TXNL1: variants seen among roughly 807,000 people sequenced by gnomAD.
TXNL1 encodes thioredoxin-like protein 1.
TXNL1 carries 14 observed loss-of-function variants against 35.5 expected under a neutral mutation model. The ratio of observed to expected loss-of-function variants is 0.39; its 90% CI spans 0.26 to 0.62. The LOEUF (loss-of-function observed/expected upper bound fraction) is 0.62. TXNL1 is among the 20% of genes least tolerant of loss of function. TXNL1 has a pLI of 0.47. For missense variants in TXNL1, 263 were observed against 349.7 expected (o/e 0.75, Z 1.98); for synonymous variants, 110 against 115.5 (o/e 0.95, Z 0.31).
chr18:56,617,488 A>G (rs2024108777), intron 4 of TXNL1, among the ~76,000 whole-genome samples: 1 of 152,260 alleles, frequency 6.6e-6, no homozygotes, highest in South Asian at 2.1e-4. Context: ...AATGGAAGAG[A>G]AAGTAAACTG....
intron 3 of TXNL1, among the ~76,000 whole-genome samples, chr18:56,622,860 T>C (rs924003504): frequency 1.3e-5 from 2 of 152,226 alleles, no homozygotes; most frequent in Admixed American, 6.5e-5. Context: ...AAACGATATG[T>C]TGATACTTCC....
chr18:56,631,374 T>C (rs2024367776), intron 1 of TXNL1, among the ~76,000 whole-genome samples: 1 of 152,194 alleles, frequency 6.6e-6, no homozygotes. Context: ...CCTTTTTCTC[T>C]TGCACACACC....
Position 56,626,515 on chromosome 18 carries a change from C to T in TXNL1, c.99-58G>A, listed in dbSNP as rs556410447. 1.5e-5 allele frequency: 21 copies of T among 1,399,402 alleles called. 1 individual carries two copies. The South Asian group carries it at 2.2e-4, about 15-fold the overall frequency. The allele number at this position is 1,399,402 out of a possible 1,614,324, so 86.7% of individuals were successfully genotyped here. A position where few individuals can be genotyped will look rare whatever the true frequency, so the allele number is the denominator to read the frequency against. ...CTAAAGATTGTAATTCTAAAGCACT[C>T]GTCAATTAAACATAAAATAGAACAA... On this transcript the variant is annotated intron_variant, in intron 1 of 7. Coordinates refer to ENST00000217515, the MANE Select transcript of TXNL1 (RefSeq NM_004786.3).
intron 7 of TXNL1, among the ~76,000 whole-genome samples, chr18:56,605,753 GTATTC>G (rs2023882419): frequency 6.6e-6 from 1 of 152,150 alleles, no homozygotes; most frequent in Non-Finnish European, 1.5e-5. Context: ...AGTGGAAGGG[GTATTC>G]TAGTCTGTCA....
Position 56,638,279 on chromosome 18 carries a change from C to T in TXNL1, c.98+64G>A, listed in dbSNP as rs1364504878. 2.0e-6 allele frequency: 3 copies of T among 1,498,838 alleles called. No homozygotes were observed. In the African/African-American group the frequency reaches 4.2e-5, roughly 21 times the overall value. The allele number at this position is 1,498,838 out of a possible 1,614,324, so 92.8% of individuals were successfully genotyped here. A position where few individuals can be genotyped will look rare whatever the true frequency, so the allele number is the denominator to read the frequency against. On this transcript the variant is annotated intron_variant, in intron 1 of 7. Transcript: ENST00000217515. ...CAGACGGCTAGGAAACCAGGGCCAA[C>T]AAAGAGTGAAAGGAAAGCAAGGAAG...
At chr18:56,616,162 T>C in intron 5 of TXNL1, 83 bp downstream of exon 5, 1 of 1,169,540 alleles carries the variant, frequency 8.6e-7, no homozygotes, top group African/African-American at 1.6e-5. Context: ...AACAAGTACC[T>C]CTATTTAATA....
chr18:56,610,236 A>G (rs968413955), intron 7 of TXNL1: 2 of 152,222 alleles, frequency 1.3e-5, no homozygotes, highest in Non-Finnish European at 2.9e-5. Context: ...AGTATATAGC[A>G]ACTAACGCTC....
chr18:56,637,132 C>A (rs1192462995), intron 1 of TXNL1, among the ~76,000 whole-genome samples: 1 of 152,160 alleles, frequency 6.6e-6, no homozygotes, highest in African/African-American at 2.4e-5. Flanking sequence ...GTAAGAGAGA[C>A]TGGTCCAAAA....
At chr18:56,631,916 G>A (rs113233801) in intron 1 of TXNL1, among the ~76,000 whole-genome samples, 3,342 of 136,864 alleles carry the variant, frequency 0.024, 68 homozygotes, top group East Asian at 0.084. Context: ...GCGAAACTCT[G>A]TCTCAAAAAA....
intron 1 of TXNL1, among the ~76,000 whole-genome samples, chr18:56,629,221 A>C (rs1196070427): frequency 6.6e-6 from 1 of 152,236 alleles, no homozygotes; most frequent in Non-Finnish European, 1.5e-5. Context: ...ATTAATGGAA[A>C]ACTAGTTTAA....
intron 6 of TXNL1, among the ~76,000 whole-genome samples, chr18:56,612,758 G>C (rs2024018161): frequency 6.6e-6 from 1 of 152,116 alleles, no homozygotes; most frequent in African/African-American, 2.4e-5. Flanking sequence ...TTCATAGGCA[G>C]CCATATGTTA....
intron 6 of TXNL1, among the ~76,000 whole-genome samples, chr18:56,614,130 A>C (rs997766244): frequency 2.6e-5 from 4 of 152,242 alleles, no homozygotes; most frequent in African/African-American, 9.6e-5. Context: ...TAAAGAATAA[A>C]GCACAAATAT....
chr18:56,636,641 T>C (rs983409406), intron 1 of TXNL1, among the ~76,000 whole-genome samples: 1 of 152,162 alleles, frequency 6.6e-6, no homozygotes, highest in Non-Finnish European at 1.5e-5. Flanking sequence ...TCTGCAGTTA[T>C]GCTTATGCTT....
At chr18:56,626,271 G>A (rs1187514864) in intron 2 of TXNL1, 90 bp downstream of exon 2, 1 of 1,532,126 alleles carries the variant, frequency 6.5e-7, no homozygotes, top group Non-Finnish European at 8.7e-7. Context: ...TAAGTACTAT[G>A]TGCATCAAGA....
chr18:56,605,889 A>C (rs112626039), intron 7 of TXNL1, among the ~76,000 whole-genome samples: 2 of 152,378 alleles, frequency 1.3e-5, no homozygotes, highest in African/African-American at 4.8e-5. Context: ...TGACATAAGA[A>C]GTCAGTGACA....
chr18:56,638,451 A>ACT lies in TXNL1; in HGVS notation c.-12_-11insAG, dbSNP rs1274730019. 1 of 1,608,984 alleles carries ACT rather than the reference A, an allele frequency of 6.2e-7. No homozygotes were observed. Among genetic ancestry groups the ACT allele is most frequent in the African/African-American group, 1.3e-5 (1 of 74,850 alleles). ...CTTCACCCCCACCATCCTCACAGAGAGCCCGGCAGGGTGGCCGCGACGCCA... is the reference window on the plus strand; with the variant it reads ...CTTCACCCCCACCATCCTCACAGAGACTGCCCGGCAGGGTGGCCGCGACGCCA... On this transcript the variant is annotated 5_prime_UTR_variant, in exon 1 of 8. Coordinates refer to ENST00000217515, the MANE Select transcript of TXNL1 (RefSeq NM_004786.3).
intron 6 of TXNL1, among the ~76,000 whole-genome samples, chr18:56,612,866 T>C (rs547246708): frequency 2.8e-4 from 42 of 152,292 alleles, no homozygotes; most frequent in African/African-American, 1.0e-3. Flanking sequence ...AAAACTCAAC[T>C]TGATTATAAT....
rs549918534 is a variant in TXNL1 at position 56,601,294 on chromosome 18, CTAAT to C, written c.*1729_*1732del. The C allele has an allele frequency of 1.0e-3, 155 of 152,296 alleles. No homozygotes were observed. Among genetic ancestry groups the C allele is most frequent in the Non-Finnish European group, 3.7e-4 (25 of 68,016 alleles). 9.4% of individuals were successfully genotyped at this position (152,296 alleles called of 1,614,324 possible). On this transcript the variant is annotated 3_prime_UTR_variant, in exon 8 of 8. Coordinates refer to ENST00000217515, the MANE Select transcript of TXNL1 (RefSeq NM_004786.3). ...ATTATGTAATACTTGCATACTGCAA[CTAAT>C]TGTTATAGAAGAGTCACATAGACAA...
At chr18:56,619,972 ATTATT>A (rs2024154408) in intron 3 of TXNL1, among the ~76,000 whole-genome samples, 1 of 151,972 alleles carries the variant, frequency 6.6e-6, no homozygotes, top group South Asian at 2.1e-4. Flanking sequence ...TGTTATTATT[ATTATT>A]ATTATTTTTT....
Sources: allele counts gnomAD v4.1 joint callset (sites outside exome capture counted in the v4.1 genomes callset), GRCh38; gene constraint gnomAD v4.1.1; transcripts MANE v1.5; gene names NCBI Gene and HGNC (gene_info 2026-07-23, HGNC 2026-07-21).